The following AGBL2 variants were observed in gnomAD, a reference collection of about 807,000 sequenced individuals.
AGBL2 encodes AGBL carboxypeptidase 2, also known as cytosolic carboxypeptidase 2.
A neutral mutation model predicts 103.0 loss-of-function variants in AGBL2; 87 were observed. The observed-to-expected ratio is 0.84, with a 90% CI of 0.71 to 1.01. AGBL2 has a LOEUF of 1.01. Ranked by LOEUF, AGBL2 falls within the 50% of genes least tolerant of loss-of-function variation. The pLI is 0.00. For synonymous variants in AGBL2, 335 were observed against 356.7 expected (o/e 0.94, Z 0.69); for missense variants, 904 against 1,023.5 (o/e 0.88, Z 1.59).
At chr11:47,692,878 C>T (rs993438481) in intron 8 of AGBL2, among the ~76,000 whole-genome samples, 6 of 152,004 alleles carry the variant, frequency 3.9e-5, no homozygotes, top group Non-Finnish European at 8.8e-5. Context: ...AATGCAGCAG[C>T]GTGAATCACA....
intron 15 of AGBL2, among the ~76,000 whole-genome samples, chr11:47,668,012 C>T (rs1257509146): frequency 3.3e-5 from 5 of 152,072 alleles, no homozygotes; most frequent in African/African-American, 1.2e-4. Flanking sequence ...AGTTTGAGAC[C>T]AGCCTGGCCA....
At position 47,678,343 on chromosome 11, in the gene AGBL2, A is replaced by ATTTTTTTTTTTTTATTTTTAT; in HGVS notation, c.2017-943_2017-942insATAAAAATAAAAAAAAAAAAA. 1.7e-5 allele frequency among the ~76,000 whole-genome samples: 2 copies of ATTTTTTTTTTTTTATTTTTAT among 116,762 alleles called. 1 individual carries two copies. Among genetic ancestry groups the ATTTTTTTTTTTTTATTTTTAT allele is most frequent in the Non-Finnish European group, 3.8e-5 (2 of 52,224 alleles). The allele number at this position is 116,762 out of a possible 152,430, so 76.6% of individuals were successfully genotyped here. ...TTATTTTATTTTATTTTATTATTTTATTTTTTTTGAGACGGAGTCTTGCTC... is the reference window on the plus strand; with the variant it reads ...TTATTTTATTTTATTTTATTATTTTATTTTTTTTTTTTTATTTTTATTTTTTTTTGAGACGGAGTCTTGCTC... On this transcript the variant is annotated intron_variant, in intron 13 of 18. Transcript: ENST00000525123.
At chr11:47,714,864 A>G (rs2097545562) in intron 1 of AGBL2, 114 bp from the exon 2 acceptor site, 2 of 582,594 alleles carry the variant, frequency 3.4e-6, no homozygotes, top group Non-Finnish European at 6.1e-6. Flanking sequence ...CAGCTAAACA[A>G]GGTGGTCACG....
chr11:47,676,548 G>A (rs912477721), intron 14 of AGBL2, among the ~76,000 whole-genome samples: 2 of 152,124 alleles, frequency 1.3e-5, no homozygotes, highest in Non-Finnish European at 2.9e-5. Context: ...GGCCGGACGC[G>A]GCGGCTCACG....
At chr11:47,708,857 C>T (rs1004780575) in intron 4 of AGBL2, among the ~76,000 whole-genome samples, 25 of 151,682 alleles carry the variant, frequency 1.6e-4, no homozygotes, top group South Asian at 4.2e-4. Flanking sequence ...TGTGTTGGCT[C>T]GCACCTGTAA....
intron 9 of AGBL2, among the ~76,000 whole-genome samples, chr11:47,691,474 G>A (rs1484152566): frequency 6.6e-6 from 1 of 150,620 alleles, no homozygotes; most frequent in East Asian, 2.0e-4. Context: ...TTGGGAGGCC[G>A]AGACGGGCAG....
rs1286681706 is a variant in AGBL2, at chr11:47,682,095, A to G, written c.1789T>C (p.Phe597Leu). Residue 597 changes from phenylalanine (F) to leucine (L), a missense_variant and splice_region_variant, in exon 12 of 19, where the codon TTC (phenylalanine) becomes CTC (leucine). Physicochemically the swap from Phe to Leu is conservative, Grantham distance 22. Transcript: ENST00000525123. The stretch of plus-strand genomic sequence containing the variant: ...TTAAAATTACAACTGTGAAAAGAGA[A>G]CTAAAAAGAAATCCAAATTTTCTGT... Reference protein sequence around the residue: ...LMLCKNAPDKFSFHSCNFKVQ... With the variant: ...LMLCKNAPDKLSFHSCNFKVQ... 3 of 1,612,748 alleles carry G rather than the reference A, an allele frequency of 1.9e-6. No homozygotes were observed. Among genetic ancestry groups the G allele is most frequent in the Admixed American group, 1.7e-5 (1 of 59,590 alleles).
chr11:47,698,168 A>T (rs1304830907), intron 8 of AGBL2, among the ~76,000 whole-genome samples: 30 of 79,796 alleles, frequency 3.8e-4, no homozygotes, highest in Non-Finnish European at 5.4e-4. Context: ...AGTCTACATA[A>T]TTTTTTTTTT....
chr11:47,694,738 A>G (rs1180401224), intron 8 of AGBL2, among the ~76,000 whole-genome samples: 1 of 152,188 alleles, frequency 6.6e-6, no homozygotes, highest in Non-Finnish European at 1.5e-5. Flanking sequence ...TAAGGTCTAC[A>G]TTGTCCTCCT....
rs1391242804 is a variant in AGBL2 at position 47,714,755 on chromosome 11, A to C, written c.-100-5T>G. The C allele has an allele frequency of 3.3e-6, 4 of 1,212,280 alleles. No individual in the cohort carries two copies. The Admixed American group carries it at 6.8e-5, about 21-fold the overall frequency. 75.1% of individuals were successfully genotyped at this position (1,212,280 alleles called of 1,614,324 possible). The stretch of plus-strand genomic sequence containing the variant: ...CAGCTGATTACACAAGAGAAGCTAC[A>C]AAGCCACAAGAGGACAAGTGAAAAA... On this transcript the variant is annotated splice_region_variant and splice_polypyrimidine_tract_variant and intron_variant, in intron 1 of 18. Transcript: ENST00000525123.
Position 47,690,195 on chromosome 11 carries a change from A to G in AGBL2, c.1512T>C (p.Asp504=), listed in dbSNP as rs1467691427. Residue 504 remains aspartate, a synonymous_variant, in exon 10 of 19, where the codon GAT becomes GAC. Coordinates refer to ENST00000525123, the MANE Select transcript of AGBL2 (RefSeq NM_024783.4). ...VFKVLPMLNP[D]GVIVGNYRCS... ...ACCGATAATTCCCCACAATCACACC[A>G]TCTGGATTTAACATGGGAAGCACCT... is the stretch of plus-strand genomic sequence containing the variant. The G allele has an allele frequency of 1.9e-6, 3 of 1,614,120 alleles. No homozygotes were observed. The highest frequency in any genetic ancestry group is 2.5e-6 in the Non-Finnish European group (3 of 1,180,018).
At chr11:47,673,582 G>A (rs929650348) in intron 14 of AGBL2, among the ~76,000 whole-genome samples, 1 of 151,532 alleles carries the variant, frequency 6.6e-6, no homozygotes, top group Non-Finnish European at 1.5e-5. Flanking sequence ...CCGAGATCGT[G>A]CCGTTGCACT....
chr11:47,698,690 A>G (rs998428429), intron 8 of AGBL2, among the ~76,000 whole-genome samples: 1 of 152,112 alleles, frequency 6.6e-6, no homozygotes, highest in Admixed American at 6.6e-5. Flanking sequence ...TTTTATTTTC[A>G]CTACATTCAA....
At chr11:47,693,547 T>C (rs1308606879) in intron 8 of AGBL2, among the ~76,000 whole-genome samples, 2 of 152,136 alleles carry the variant, frequency 1.3e-5, no homozygotes, top group Non-Finnish European at 2.9e-5. Context: ...ATGAGTTTAT[T>C]TTTGGACTCT....
chr11:47,699,664 C>A (rs1227364809), intron 7 of AGBL2, 111 bp from the exon 8 acceptor site: 1 of 571,146 alleles, frequency 1.8e-6, no homozygotes, highest in African/African-American at 2.0e-5. Flanking sequence ...TTGGTTGAAT[C>A]AAACCAAATT....
intron 4 of AGBL2, among the ~76,000 whole-genome samples, chr11:47,707,644 A>G (rs1427345610): frequency 3.9e-5 from 6 of 152,204 alleles, no homozygotes; most frequent in Non-Finnish European, 7.3e-5. Flanking sequence ...GCCAAACAAT[A>G]TCACCAGCTA....
In AGBL2 at chr11:47,677,213, A is replaced by C. The variant is rs1046298421; in HGVS notation, c.2147+58T>G. On this transcript the variant is annotated intron_variant, in intron 14 of 18. Coordinates refer to ENST00000525123, the MANE Select transcript of AGBL2 (RefSeq NM_024783.4). Reference sequence around the variant, plus strand: ...TGTAGAGACAACATCTCACTATATCACCCAGGTTAACAACAAAGTATTTAA... The same window carrying C: ...TGTAGAGACAACATCTCACTATATCCCCCAGGTTAACAACAAAGTATTTAA... 5.8e-6 allele frequency: 8 copies of C among 1,375,612 alleles called. No individual in the cohort carries two copies. In the African/African-American group the frequency reaches 1.2e-4, roughly 21 times the overall value. 85.2% of individuals were successfully genotyped at this position (1,375,612 alleles called of 1,614,324 possible).
intron 8 of AGBL2, among the ~76,000 whole-genome samples, chr11:47,698,800 T>G (rs1034839875): frequency 6.6e-6 from 1 of 152,124 alleles, no homozygotes; most frequent in African/African-American, 2.4e-5. Flanking sequence ...TATTTCATTC[T>G]GTTGTTGATT....
intron 1 of AGBL2, 48 bp from the exon 2 acceptor site, chr11:47,714,798 G>A (rs575135424): frequency 7.6e-6 from 6 of 791,226 alleles, no homozygotes; most frequent in East Asian, 2.5e-5. Flanking sequence ...ATACCTCCCC[G>A]GGCGCCCCCC....
Sources: gnomAD v4.1 joint callset for allele counts (sites outside exome capture counted in the v4.1 genomes callset) on GRCh38, gnomAD v4.1.1 for gene constraint, MANE v1.5 for transcripts, NCBI Gene and HGNC (gene_info 2026-07-23, HGNC 2026-07-21) for gene names.